Variants in GRID2 observed in about 807,000 individuals in gnomAD.
GRID2 encodes glutamate ionotropic receptor delta type subunit 2.
Under a neutral mutation model 114.8 loss-of-function variants are expected in GRID2, and 33 were observed. The ratio of observed to expected loss-of-function variants is 0.29; its 90% CI spans 0.22 to 0.38. The LOEUF is 0.38. Among genes scored for constraint, GRID2 ranks in the 10% least tolerant of loss-of-function variants. The probability of loss-of-function intolerance (pLI) is 1.00; values close to 1 mark genes in which losing one functional copy is unlikely to be tolerated. For synonymous variants in GRID2, 505 were observed against 449.9 expected, an observed-to-expected ratio of 1.12 and a Z score of -1.55; for missense variants, 1,184 against 1,257.7, an observed-to-expected ratio of 0.94 and a Z score of 0.89.
chr4:93,044,690 A>G (rs1435092695), intron 2 of GRID2, among the ~76,000 whole-genome samples: 1 of 152,136 alleles, frequency 6.6e-6, no homozygotes, highest in Non-Finnish European at 1.5e-5. Flanking sequence ...GTAACTTGAA[A>G]GTTTTTACAA....
intron 8 of GRID2, among the ~76,000 whole-genome samples, chr4:93,244,673 A>G (rs1747998524): frequency 6.8e-6 from 1 of 146,632 alleles, no homozygotes; most frequent in Non-Finnish European, 1.5e-5. Flanking sequence ...ATTAATTAAT[A>G]GATTATGTAA....
chr4:93,508,412 C>G (rs988409135), intron 12 of GRID2, among the ~76,000 whole-genome samples: 1 of 151,900 alleles, frequency 6.6e-6, no homozygotes, highest in African/African-American at 2.4e-5. Flanking sequence ...GGCCAGGATA[C>G]TCTCCATCTC....
intron 11 of GRID2, among the ~76,000 whole-genome samples, chr4:93,457,699 C>T (rs1242257572): frequency 6.6e-6 from 1 of 151,880 alleles, no homozygotes; most frequent in Non-Finnish European, 1.5e-5. Flanking sequence ...CTTTGATTAC[C>T]TATAGCGTGG....
intron 1 of GRID2, among the ~76,000 whole-genome samples, chr4:92,507,771 T>A (rs548217743): frequency 6.6e-6 from 1 of 152,038 alleles, no homozygotes; most frequent in South Asian, 2.1e-4. Flanking sequence ...CATATAACAC[T>A]CTTGGAATGT....
At chr4:92,763,294 A>G (rs1267816368) in intron 2 of GRID2, among the ~76,000 whole-genome samples, 4 of 152,310 alleles carry the variant, frequency 2.6e-5, no homozygotes, top group East Asian at 1.9e-4. Flanking sequence ...CCTTATCCTG[A>G]TGGAGCTTAC....
rs557322990 is a variant in GRID2, at chr4:93,018,297, T to G, written c.245-66698T>G. ...TCAGTTAGCTGGCCACTTTTTTATA[T>G]AAAATGGCATTTTCTTCTAGGTTTG... On this transcript the variant is annotated intron_variant, in intron 2 of 15. Transcript: ENST00000282020. Among the ~76,000 whole-genome samples, 1,074 of 151,694 alleles carry G rather than the reference T, an allele frequency of 7.1e-3. 6 individuals carry two copies. Among genetic ancestry groups the G allele is most frequent in the Middle Eastern group, 0.017 (5 of 286 alleles).
At chr4:93,305,178 G>A (rs188006190) in intron 8 of GRID2, among the ~76,000 whole-genome samples, 25 of 152,260 alleles carry the variant, frequency 1.6e-4, no homozygotes, top group African/African-American at 5.8e-4. Context: ...ATGGGGCAAA[G>A]CTCATAGAAA....
At chr4:92,739,622 A>G (rs1207337883) in intron 2 of GRID2, among the ~76,000 whole-genome samples, 1 of 152,166 alleles carries the variant, frequency 6.6e-6, no homozygotes, top group Non-Finnish European at 1.5e-5. Flanking sequence ...GATTCTTATA[A>G]AATCTATGAA....
At chr4:93,141,034 C>G (rs1235544647) in intron 4 of GRID2, among the ~76,000 whole-genome samples, 3 of 152,116 alleles carry the variant, frequency 2.0e-5, no homozygotes, top group African/African-American at 7.2e-5. Flanking sequence ...TTCAGTACTT[C>G]TGCTGGAGAA....
intron 1 of GRID2, among the ~76,000 whole-genome samples, chr4:92,410,123 C>A (rs1286092494): frequency 4.6e-5 from 7 of 152,170 alleles, no homozygotes; most frequent in Non-Finnish European, 8.8e-5. Context: ...TGCCATTAAA[C>A]TTTTTGGGTT....
intron 10 of GRID2, among the ~76,000 whole-genome samples, chr4:93,450,665 G>A (rs1216157500): frequency 6.6e-6 from 1 of 151,552 alleles, no homozygotes; most frequent in African/African-American, 2.4e-5. Context: ...TTGAGAGAAT[G>A]CAAATCTTGT....
intron 2 of GRID2, among the ~76,000 whole-genome samples, chr4:92,975,396 G>A (rs1014430419): frequency 6.6e-6 from 1 of 151,910 alleles, no homozygotes; most frequent in African/African-American, 2.4e-5. Flanking sequence ...ATCATGGATG[G>A]AACAGGCTTG....
At chr4:93,618,396 A>G (rs1178665571) in intron 13 of GRID2, among the ~76,000 whole-genome samples, 2 of 152,142 alleles carry the variant, frequency 1.3e-5, no homozygotes, top group Non-Finnish European at 2.9e-5. Flanking sequence ...ATTCAGGTCT[A>G]GTTGTTGAAG....
chr4:92,672,576 G>A (rs1021495714), intron 2 of GRID2, among the ~76,000 whole-genome samples: 1 of 152,054 alleles, frequency 6.6e-6, no homozygotes. Flanking sequence ...AACTTAATAA[G>A]AGTGTTTGCT....
At position 92,341,804 on chromosome 4, in the gene GRID2, T is replaced by G. The variant is rs6848674; in HGVS notation, c.88+37060T>G. Reference sequence around the variant, plus strand: ...GTGGCGGGCGCCTGTAGTCCCAGCTTCTTCGGAGGCTGAGGCGGGAGAATG... The same window carrying G: ...GTGGCGGGCGCCTGTAGTCCCAGCTGCTTCGGAGGCTGAGGCGGGAGAATG... On this transcript the variant is annotated intron_variant, in intron 1 of 15. Transcript: ENST00000282020. Among the ~76,000 whole-genome samples, 211 of 151,426 alleles carry G rather than the reference T, an allele frequency of 1.4e-3. 1 individual carries two copies. Among genetic ancestry groups the G allele is most frequent in the African/African-American group, 5.0e-3 (205 of 41,230 alleles).
chr4:92,999,360 T>C (rs530720659), intron 2 of GRID2, among the ~76,000 whole-genome samples: 1 of 151,818 alleles, frequency 6.6e-6, no homozygotes, highest in African/African-American at 2.4e-5. Flanking sequence ...CCTGGAACTT[T>C]CCTGCTTTTA....
chr4:92,876,659 T>C (rs748620831), intron 2 of GRID2, among the ~76,000 whole-genome samples: 89 of 152,298 alleles, frequency 5.8e-4, no homozygotes, highest in Non-Finnish European at 1.2e-3. Context: ...GTGCACATCT[T>C]ATCTACCAGG....
chr4:92,836,150 G>A (rs187725490), intron 2 of GRID2, among the ~76,000 whole-genome samples: 1 of 152,092 alleles, frequency 6.6e-6, no homozygotes, highest in African/African-American at 2.4e-5. Context: ...TCACTGTAAC[G>A]ACAGAGTTGA....
At chr4:92,818,237 C>T (rs1234803704) in intron 2 of GRID2, among the ~76,000 whole-genome samples, 1 of 152,106 alleles carries the variant, frequency 6.6e-6, no homozygotes, top group Non-Finnish European at 1.5e-5. Flanking sequence ...ATCATAACCT[C>T]TTGCCCAGTG....
Sources: allele counts gnomAD v4.1 joint callset (sites outside exome capture counted in the v4.1 genomes callset), GRCh38; gene constraint gnomAD v4.1.1; transcripts MANE v1.5; gene names NCBI Gene and HGNC (gene_info 2026-07-23, HGNC 2026-07-21).